Variants in PCDH7 observed in about 807,000 individuals in gnomAD.
PCDH7 encodes protocadherin 7, also known as protocadherin-7.
PCDH7 carries 17 observed loss-of-function variants against 58.9 expected under a neutral mutation model. That is an observed-to-expected ratio of 0.29 (90% CI 0.20 to 0.43). The LOEUF is 0.43. Ranked by LOEUF, PCDH7 falls within the 20% of genes least tolerant of loss-of-function variation. PCDH7 has a pLI of 1.00. For synonymous variants in PCDH7, 664 were observed against 616.4 expected (o/e 1.08, Z -1.14); for missense variants, 1,274 against 1,441.0 (o/e 0.88, Z 1.88).
At chr4:31,006,738 C>A (rs1323670453) in intron 3 of PCDH7, among the ~76,000 whole-genome samples, 2 of 151,608 alleles carry the variant, frequency 1.3e-5, no homozygotes, top group African/African-American at 4.8e-5. Flanking sequence ...ACTAAAAATA[C>A]AAAATTAGCC....
At chr4:31,128,885 G>A (rs1485455672) in intron 3 of PCDH7, among the ~76,000 whole-genome samples, 3 of 152,160 alleles carry the variant, frequency 2.0e-5, no homozygotes, top group African/African-American at 4.8e-5. Flanking sequence ...AAGGGGATGA[G>A]GAGAGTGAGT....
chr4:30,998,484 T>G (rs2109133790), intron 3 of PCDH7, among the ~76,000 whole-genome samples: 1 of 152,182 alleles, frequency 6.6e-6, no homozygotes, highest in South Asian at 2.1e-4. Flanking sequence ...GGGCAAAAAG[T>G]GGTAGGATCT....
intron 1 of PCDH7, among the ~76,000 whole-genome samples, chr4:30,817,866 AACACAATTCAAATT>A (rs1236844605): frequency 1.3e-5 from 2 of 152,130 alleles, no homozygotes; most frequent in Non-Finnish European, 2.9e-5. Context: ...CTTCTTTTAA[AACACAATTCAAATT>A]ACTCCTCTGC....
At chr4:30,978,198 G>A (rs1039305218) in intron 3 of PCDH7, among the ~76,000 whole-genome samples, 2 of 152,168 alleles carry the variant, frequency 1.3e-5, no homozygotes, top group African/African-American at 4.8e-5. Flanking sequence ...AAACGAATCG[G>A]TACTGATTAA....
chr4:31,047,711 G>A (rs1756398479), intron 3 of PCDH7, among the ~76,000 whole-genome samples: 1 of 152,054 alleles, frequency 6.6e-6, no homozygotes, highest in Admixed American at 6.6e-5. Flanking sequence ...TGTCAAGTTT[G>A]TCATATTTAA....
chr4:31,118,530 T>C (rs1273209958), intron 3 of PCDH7, among the ~76,000 whole-genome samples: 1 of 152,042 alleles, frequency 6.6e-6, no homozygotes, highest in Non-Finnish European at 1.5e-5. Flanking sequence ...TTAGTGTCAG[T>C]AACTCCTAAA....
At chr4:31,106,070 A>G (rs1715534619) in intron 3 of PCDH7, among the ~76,000 whole-genome samples, 3 of 151,734 alleles carry the variant, frequency 2.0e-5, no homozygotes, top group African/African-American at 7.3e-5. Flanking sequence ...ACAGTATTGT[A>G]TGTAACAGGA....
intron 3 of PCDH7, among the ~76,000 whole-genome samples, chr4:31,140,904 T>A (rs182811142): frequency 1.3e-5 from 2 of 152,298 alleles, no homozygotes; most frequent in East Asian, 3.9e-4. Flanking sequence ...ACATTTTACC[T>A]ACAGGAAAGG....
At chr4:30,912,792 G>T (rs973899421) in intron 1 of PCDH7, among the ~76,000 whole-genome samples, 3 of 152,070 alleles carry the variant, frequency 2.0e-5, no homozygotes, top group Non-Finnish European at 4.4e-5. Context: ...TATAAAAAAT[G>T]GACTCCAAGG....
chr4:30,982,494 TGTG>T (rs1259682563), intron 3 of PCDH7, among the ~76,000 whole-genome samples: 1 of 152,200 alleles, frequency 6.6e-6, no homozygotes, highest in Non-Finnish European at 1.5e-5. Context: ...GAGGTAGAAT[TGTG>T]GTACCATCCA....
chr4:30,943,247 C>T (rs1057059515), intron 2 of PCDH7, among the ~76,000 whole-genome samples: 3 of 152,020 alleles, frequency 2.0e-5, no homozygotes, highest in African/African-American at 7.2e-5. Flanking sequence ...TCACTGCACC[C>T]TAAGCTCTCA....
chr4:31,042,641 T>C (rs1161417384), intron 3 of PCDH7, among the ~76,000 whole-genome samples: 1 of 152,106 alleles, frequency 6.6e-6, no homozygotes, highest in Admixed American at 6.6e-5. Flanking sequence ...AATTTTACTC[T>C]TTAGGGAGAG....
chr4:30,898,842 C>T (rs1183854264), intron 1 of PCDH7, among the ~76,000 whole-genome samples: 1 of 152,108 alleles, frequency 6.6e-6, no homozygotes, highest in East Asian at 1.9e-4. Flanking sequence ...CCGCCCGCCT[C>T]GGCCTCCCAA....
At chr4:30,960,141 GGA>G (rs1748260438) in intron 3 of PCDH7, among the ~76,000 whole-genome samples, 1 of 112,224 alleles carries the variant, frequency 8.9e-6, no homozygotes, top group Non-Finnish European at 1.8e-5. Flanking sequence ...AAGGAAGGAA[GGA>G]AGGAAGGAAG....
chr4:30,721,064 A>C lies in PCDH7; in HGVS notation c.-359A>C, dbSNP rs116504765. 0.011 allele frequency: 2,615 copies of C among 237,146 alleles called. 68 individuals carry two copies. Among genetic ancestry groups the C allele is most frequent in the African/African-American group, 0.052 (2,315 of 44,278 alleles). The allele number at this position is 237,146 out of a possible 1,614,324, so 14.7% of individuals were successfully genotyped here. A position where few individuals can be genotyped will look rare whatever the true frequency, so the allele number is the denominator to read the frequency against. On this transcript the variant is annotated 5_prime_UTR_variant, in exon 1 of 2. Transcript: ENST00000361762. The surrounding 1 kb of genome is among the most constrained non-coding windows in gnomAD (Gnocchi z 6.7). Reference sequence around the variant, plus strand: ...AGAGCCGGGGATTCTCCGCCCGCTGAGGGGATGACTCTGGGTTGGGGGAGC... The same window carrying C: ...AGAGCCGGGGATTCTCCGCCCGCTGCGGGGATGACTCTGGGTTGGGGGAGC...
chr4:30,982,445 A>G (rs900726574), intron 3 of PCDH7, among the ~76,000 whole-genome samples: 9 of 151,774 alleles, frequency 5.9e-5, no homozygotes, highest in Admixed American at 5.9e-4. Context: ...CCCTATTTTT[A>G]TTCTCTCAAG....
chr4:30,947,165 A>G (rs1007213679), intron 2 of PCDH7, among the ~76,000 whole-genome samples: 1 of 152,106 alleles, frequency 6.6e-6, no homozygotes, highest in Non-Finnish European at 1.5e-5. Context: ...TACTTCTACC[A>G]TGATCATACA....
rs373678331 is a variant in PCDH7, at chr4:30,906,182, A to G, written c.71-13971A>G. 3.0e-3 allele frequency among the ~76,000 whole-genome samples: 461 copies of G among 152,324 alleles called. 2 individuals are homozygous for G. The highest frequency in any genetic ancestry group is 6.8e-3 in the Middle Eastern group (2 of 294). ...CTAAGGAATTTCTCAATAAGTGAAC[A>G]AAGTCTACCCTGAAATCATTGATTT... is the stretch of plus-strand genomic sequence containing the variant. On this transcript the variant is annotated intron_variant, in intron 1 of 3. Transcript: ENST00000509759.
At chr4:30,789,985 A>G (rs938271513) in intron 1 of PCDH7, among the ~76,000 whole-genome samples, 1 of 152,190 alleles carries the variant, frequency 6.6e-6, no homozygotes, top group Admixed American at 6.5e-5. Context: ...AATGAGAATC[A>G]CCAACTGAAA....
Sources: allele counts gnomAD v4.1 joint callset (sites outside exome capture counted in the v4.1 genomes callset), GRCh38; gene constraint gnomAD v4.1.1; non-coding constraint Gnocchi (gnomAD v3.1); transcripts MANE v1.5; gene names NCBI Gene and HGNC (gene_info 2026-07-23, HGNC 2026-07-21).